CFAP299: variants seen among roughly 807,000 people sequenced by gnomAD.
CFAP299 encodes cilia- and flagella-associated protein 299.
In CFAP299, 21 loss-of-function variants were observed where a neutral mutation model predicts 27.0. The observed-to-expected ratio is 0.78, with a 90% CI of 0.55 to 1.12. CFAP299 has a LOEUF of 1.12. Among genes scored for constraint, CFAP299 ranks in the 50% most tolerant of loss-of-function variants. The pLI is 0.00. For synonymous variants in CFAP299, 104 were observed against 98.1 expected (o/e 1.06, Z -0.36); for missense variants, 310 against 276.6 (o/e 1.12, Z -0.86).
chr4:80,329,102 A>G, the CFAP299 span, among the ~76,000 whole-genome samples: 11 of 151,602 alleles, frequency 7.3e-5, no homozygotes, highest in Non-Finnish European at 7.4e-5. Context: ...TTAGCTCATC[A>G]GCCATTGTTA....
chr4:80,608,068 C>T (rs970739338), intron 3 of CFAP299, among the ~76,000 whole-genome samples: 2 of 152,022 alleles, frequency 1.3e-5, no homozygotes, highest in Non-Finnish European at 2.9e-5. Context: ...TACTACTTTA[C>T]AATTTTATAT....
chr4:80,578,837 CTT>C (rs1454543336), intron 2 of CFAP299, among the ~76,000 whole-genome samples: 5 of 152,132 alleles, frequency 3.3e-5, no homozygotes, highest in African/African-American at 1.2e-4. Context: ...ATTTAATAGA[CTT>C]AACCTATGAC....
At chr4:80,462,037 C>T (rs2110107245) in intron 2 of CFAP299, among the ~76,000 whole-genome samples, 1 of 152,276 alleles carries the variant, frequency 6.6e-6, no homozygotes, top group Admixed American at 6.5e-5. Context: ...CAATCTAAAT[C>T]CTTTGGCCAT....
intron 3 of CFAP299, among the ~76,000 whole-genome samples, chr4:80,663,837 G>C (rs1056515352): frequency 1.3e-5 from 2 of 152,122 alleles, no homozygotes; most frequent in Non-Finnish European, 2.9e-5. Flanking sequence ...TCTATCTGTG[G>C]TGAGATGGTA....
intron 4 of CFAP299, among the ~76,000 whole-genome samples, chr4:80,887,669 T>C (rs1734038393): frequency 6.6e-6 from 1 of 152,084 alleles, no homozygotes; most frequent in Admixed American, 6.5e-5. Flanking sequence ...AGTGAGCACA[T>C]AGAATAATAC....
intron 1 of CFAP299, among the ~76,000 whole-genome samples, chr4:80,354,303 A>G (rs1030474703): frequency 1.3e-5 from 2 of 152,198 alleles, no homozygotes; most frequent in Non-Finnish European, 1.5e-5. Context: ...TGTCTGGAAT[A>G]TGTAATCACT....
At chr4:80,584,900 A>T (rs1736353644) in intron 3 of CFAP299, among the ~76,000 whole-genome samples, 1 of 152,068 alleles carries the variant, frequency 6.6e-6, no homozygotes. Flanking sequence ...GGGGCAGAAA[A>T]TGAATAATCA....
chr4:80,608,864 T>C (rs1285673702), intron 3 of CFAP299, among the ~76,000 whole-genome samples: 1 of 8,860 alleles, frequency 1.1e-4, no homozygotes, highest in African/African-American at 1.3e-4. Context: ...ACGATGCATG[T>C]GTGTGTGTGT....
rs552600920 is a variant in CFAP299, at chr4:80,900,752, A to AAAT, written c.476+30635_476+30637dup. Among the ~76,000 whole-genome samples the AAAT allele has an allele frequency of 7.9e-3, 1,197 of 151,640 alleles. 3 individuals are homozygous for AAAT. The highest frequency in any genetic ancestry group is 0.014 in the Middle Eastern group (4 of 294). Reference sequence around the variant, plus strand: ...GTAGGATTCAATAAATAGTTATTTTAAATAATAATAATAATAATAAACAGG... The same window carrying AAAT: ...GTAGGATTCAATAAATAGTTATTTTAAATAATAATAATAATAATAATAAACAGG... On this transcript the variant is annotated intron_variant, in intron 4 of 5. Transcript: ENST00000358105.
intron 2 of CFAP299, among the ~76,000 whole-genome samples, chr4:80,407,663 GA>G (rs1407833802): frequency 6.6e-6 from 1 of 152,110 alleles, no homozygotes; most frequent in Non-Finnish European, 1.5e-5. Flanking sequence ...TTCTTTATAA[GA>G]GAACTTGAAA....
the CFAP299 span, among the ~76,000 whole-genome samples, chr4:80,327,249 G>A: frequency 4.6e-5 from 7 of 152,118 alleles, no homozygotes; most frequent in East Asian, 3.9e-4. Context: ...GGGAAGGAGA[G>A]ATGGCATTCT....
intron 3 of CFAP299, among the ~76,000 whole-genome samples, chr4:80,781,682 T>A (rs530261648): frequency 6.6e-6 from 1 of 152,226 alleles, no homozygotes; most frequent in Non-Finnish European, 1.5e-5. Flanking sequence ...GTATTTGATA[T>A]GACTCAAGGT....
At chr4:80,689,394 TC>T (rs1720486805) in intron 3 of CFAP299, among the ~76,000 whole-genome samples, 1 of 152,140 alleles carries the variant, frequency 6.6e-6, no homozygotes, top group African/African-American at 2.4e-5. Flanking sequence ...TATTCAACAT[TC>T]TCAAAGAAAA....
chr4:80,487,338 A>G (rs1279338440), intron 2 of CFAP299, among the ~76,000 whole-genome samples: 1 of 152,210 alleles, frequency 6.6e-6, no homozygotes, highest in Non-Finnish European at 1.5e-5. Flanking sequence ...ATTCTTAAAA[A>G]TAATGTTATC....
chr4:80,499,636 T>G (rs1375637530), intron 2 of CFAP299, among the ~76,000 whole-genome samples: 1 of 152,138 alleles, frequency 6.6e-6, no homozygotes, highest in Admixed American at 6.6e-5. Context: ...AAATCTCTGA[T>G]AGTTAAGAGG....
intron 2 of CFAP299, chr4:80,386,516 G>GT: frequency 6.7e-7 from 1 of 1,487,492 alleles, no homozygotes; most frequent in Non-Finnish European, 9.1e-7. Flanking sequence ...CGGTGGTGGG[G>GT]GGGGGGGGTG....
intron 3 of CFAP299, among the ~76,000 whole-genome samples, chr4:80,800,178 A>AATAATATATAATACTATATAATATAATAT (rs1728344145): frequency 1.4e-5 from 1 of 70,178 alleles, no homozygotes; most frequent in Non-Finnish European, 2.3e-5. Context: ...TATAATATAT[A>AATAATATATAATACTATATAATATAATAT]ATAATATGTA....
chr4:80,800,258 A>G (rs1317919312), intron 3 of CFAP299, among the ~76,000 whole-genome samples: 1 of 74,136 alleles, frequency 1.3e-5, no homozygotes, highest in East Asian at 4.5e-4. Context: ...AATATATATT[A>G]TATAAATAAA....
chr4:80,436,591 C>G (rs536410889), intron 2 of CFAP299, among the ~76,000 whole-genome samples: 2 of 152,164 alleles, frequency 1.3e-5, no homozygotes, highest in African/African-American at 2.4e-5. Context: ...TGTGAGCCAC[C>G]GTGCCTGGCC....
Sources: allele counts gnomAD v4.1 joint callset (sites outside exome capture counted in the v4.1 genomes callset), GRCh38; gene constraint gnomAD v4.1.1; transcripts MANE v1.5; gene names NCBI Gene and HGNC (gene_info 2026-07-23, HGNC 2026-07-21).